Variants in TDRD9 observed in about 807,000 individuals in gnomAD.
The protein encoded by TDRD9 is ATP-dependent RNA helicase TDRD9.
Under a neutral mutation model 172.6 loss-of-function variants are expected in TDRD9, and 124 were observed. That is an observed-to-expected ratio of 0.72 (90% CI 0.62 to 0.83). The LOEUF is 0.83. Among genes scored for constraint, TDRD9 ranks in the 40% least tolerant of loss-of-function variants. The pLI, the probability that TDRD9 is intolerant of heterozygous loss-of-function variation, is 0.00. For synonymous variants in TDRD9, 619 were observed against 617.1 expected (o/e 1.00, Z -0.05); for missense variants, 1,479 against 1,714.1 (o/e 0.86, Z 2.42).
rs945027711 is a variant in TDRD9 at position 104,048,638 on chromosome 14, C to A, written c.3975-970C>A. On this transcript the variant is annotated intron_variant, in intron 34 of 35. Coordinates refer to ENST00000409874, the MANE Select transcript of TDRD9 (RefSeq NM_153046.3). The stretch of plus-strand genomic sequence containing the variant: ...GGCCTCTATTTTTCTCAGGGCTTCC[C>A]AGGTTTTTCCCACGTGTGTGCACCC... 3.9e-5 allele frequency among the ~76,000 whole-genome samples: 6 copies of A among 152,208 alleles called. No individual in the cohort carries two copies. The Middle Eastern group carries it at 0.01, about 259-fold the overall frequency.
chr14:103,989,581 A>T (rs529713232), intron 8 of TDRD9, among the ~76,000 whole-genome samples: 67 of 152,304 alleles, frequency 4.4e-4, no homozygotes, highest in African/African-American at 1.6e-3. Context: ...ATCTGTATCT[A>T]TTTCCATGAG....
In TDRD9 at chr14:103,986,202, T is replaced by G. The variant is rs1292176770; in HGVS notation, c.1012-15T>G. On this transcript the variant is annotated splice_polypyrimidine_tract_variant and intron_variant, in intron 7 of 35. Transcript: ENST00000409874. The stretch of plus-strand genomic sequence containing the variant: ...CTGTTTTCGTATTGCGACTTTTTTC[T>G]TTCACTGTTTTTAGCTCTCTCCTCA... 6.2e-7 allele frequency: 1 copy of G among 1,607,568 alleles called. No homozygotes were observed. The highest frequency in any genetic ancestry group is 8.5e-7 in the Non-Finnish European group (1 of 1,175,616).
chr14:104,042,356 C>G (rs1305298233), intron 34 of TDRD9, among the ~76,000 whole-genome samples, 169 bp downstream of exon 34: 1 of 152,182 alleles, frequency 6.6e-6, no homozygotes, highest in East Asian at 1.9e-4. Flanking sequence ...CACGCCCTTC[C>G]TGTGGAGAGC....
chr14:104,026,694 A>G lies in TDRD9; in HGVS notation c.3037A>G (p.Ile1013Val). The G allele has an allele frequency of 6.2e-7, 1 of 1,613,948 alleles. No individual in the cohort carries two copies. The highest frequency in any genetic ancestry group is 1.1e-5 in the South Asian group (1 of 91,086). The change falls in exon 28 of 36, where the codon ATT (isoleucine) becomes GTT (valine). Residue 1013 changes from isoleucine to valine, a missense_variant. Coordinates refer to ENST00000409874, the MANE Select transcript of TDRD9 (RefSeq NM_153046.3). Reference sequence around the variant, plus strand: ...GTCCTTGTAGGCTTTGGAATTTAAGATTTGCAAAATGAGACCATCAGCAAA... The same window carrying G: ...GTCCTTGTAGGCTTTGGAATTTAAGGTTTGCAAAATGAGACCATCAGCAAA... ...ELPFQALEFK[I>V]CKMRPSAKSL...
chr14:103,942,197 G>A (rs2031279067), intron 1 of TDRD9: 1 of 153,438 alleles, frequency 6.5e-6, no homozygotes, highest in African/African-American at 2.4e-5. Flanking sequence ...TGTGTCCTCT[G>A]TAGAAGGAAT....
chr14:104,036,865 C>T (rs1248049818), intron 32 of TDRD9, among the ~76,000 whole-genome samples: 2 of 152,174 alleles, frequency 1.3e-5, no homozygotes, highest in African/African-American at 2.4e-5. Flanking sequence ...GTCTTTGAAT[C>T]CACAGGCTTA....
intron 20 of TDRD9, among the ~76,000 whole-genome samples, chr14:104,010,871 A>G (rs1331457341): frequency 6.6e-6 from 1 of 152,132 alleles, no homozygotes; most frequent in Non-Finnish European, 1.5e-5. Flanking sequence ...TTTGATCCAC[A>G]TTTGGTTGAG....
At chr14:104,051,623 T>C (rs755957017) in intron 35 of TDRD9, among the ~76,000 whole-genome samples, 28 of 152,204 alleles carry the variant, frequency 1.8e-4, no homozygotes, top group Non-Finnish European at 7.3e-5. Flanking sequence ...CTGTTGTTTT[T>C]TTGACTTTTT....
At chr14:104,006,869 A>C (rs758141487) in intron 18 of TDRD9, 24 bp downstream of exon 18, 40 of 1,592,036 alleles carry the variant, frequency 2.5e-5, no homozygotes, top group Non-Finnish European at 3.3e-5. Flanking sequence ...TGTGTAAACC[A>C]TGAAAGCAGC....
rs746833580 is a variant in TDRD9, at chr14:104,042,226, T to G, written c.3974+39T>G. 2.2e-6 allele frequency: 3 copies of G among 1,359,988 alleles called. No individual in the cohort carries two copies. The South Asian group carries it at 3.5e-5, about 16-fold the overall frequency. The allele number at this position is 1,359,988 out of a possible 1,614,324, so 84.2% of individuals were successfully genotyped here. A position where few individuals can be genotyped will look rare whatever the true frequency, so the allele number is the denominator to read the frequency against. On this transcript the variant is annotated intron_variant, in intron 34 of 35. Transcript: ENST00000409874. Reference sequence around the variant, plus strand: ...TGACGCGGGCTTCTTTTCTTCCCAGTCAACTTTCTCAGCTGCCTTGATCAT... The same window carrying G: ...TGACGCGGGCTTCTTTTCTTCCCAGGCAACTTTCTCAGCTGCCTTGATCAT...
chr14:103,998,848 A>G (rs2034153557), intron 13 of TDRD9, 120 bp downstream of exon 13: 2 of 576,908 alleles, frequency 3.5e-6, no homozygotes, highest in Non-Finnish European at 3.1e-6. Flanking sequence ...GCTGGAAGGC[A>G]GTGGCGCGAT....
intron 6 of TDRD9, among the ~76,000 whole-genome samples, chr14:103,971,367 C>T (rs552789520): frequency 4.1e-5 from 6 of 146,624 alleles, no homozygotes; most frequent in South Asian, 2.2e-4. Flanking sequence ...TGCAGTGGTG[C>T]GATCTCAGCT....
At chr14:103,994,434 T>G in intron 10 of TDRD9, 48 bp downstream of exon 10, 1 of 1,604,702 alleles carries the variant, frequency 6.2e-7, no homozygotes, top group Non-Finnish European at 8.5e-7. Context: ...ATTGCATTGT[T>G]TCTGCCTTAA....
intron 24 of TDRD9, among the ~76,000 whole-genome samples, chr14:104,022,536 C>T (rs1015268212): frequency 4.6e-5 from 7 of 152,020 alleles, no homozygotes; most frequent in African/African-American, 9.7e-5. Flanking sequence ...AGACCAGCCT[C>T]GCCAACATGA....
intron 1 of TDRD9, among the ~76,000 whole-genome samples, chr14:103,934,867 G>A (rs2030650450): frequency 6.6e-6 from 1 of 152,202 alleles, no homozygotes; most frequent in Non-Finnish European, 1.5e-5. Flanking sequence ...AACTTGGCTG[G>A]GTGACAGTGC....
intron 22 of TDRD9, among the ~76,000 whole-genome samples, chr14:104,017,204 G>A (rs1369418730): frequency 2.6e-5 from 4 of 151,904 alleles, no homozygotes; most frequent in East Asian, 1.9e-4. Context: ...TTCCTCAGAC[G>A]TCTAGTAGCT....
intron 1 of TDRD9, among the ~76,000 whole-genome samples, chr14:103,930,546 G>A (rs185956118): frequency 3.3e-5 from 5 of 152,182 alleles, no homozygotes; most frequent in Admixed American, 3.3e-4. Flanking sequence ...CCAGACTCTG[G>A]GTCAAGCTTT....
chr14:103,929,022 A>C (rs1469874324), intron 1 of TDRD9: 2 of 163,934 alleles, frequency 1.2e-5, no homozygotes, highest in African/African-American at 5.1e-5. Flanking sequence ...CAGAGGTCCC[A>C]TAGGCCCCTT....
chr14:103,984,309 T>A (rs1285329155), intron 7 of TDRD9, among the ~76,000 whole-genome samples: 1 of 152,240 alleles, frequency 6.6e-6, no homozygotes, highest in Non-Finnish European at 1.5e-5. Context: ...GTCAGAGGTC[T>A]TCACGGCAGC....
Sources: gnomAD v4.1 joint callset for allele counts (sites outside exome capture counted in the v4.1 genomes callset) on GRCh38, gnomAD v4.1.1 for gene constraint, MANE v1.5 for transcripts, NCBI Gene and HGNC (gene_info 2026-07-23, HGNC 2026-07-21) for gene names.